Variants in KCNQ3 observed in about 807,000 individuals in gnomAD.
The protein encoded by KCNQ3 is potassium voltage-gated channel subfamily Q member 3.
In KCNQ3, 30 loss-of-function variants were observed where a neutral mutation model predicts 92.5. The observed-to-expected ratio is 0.32, with a 90% confidence interval of 0.24 to 0.44. KCNQ3 has a LOEUF of 0.44. Ranked by LOEUF, KCNQ3 falls within the 20% of genes least tolerant of loss-of-function variation. The pLI is 1.00. For missense variants in KCNQ3, 913 were observed against 1,140.3 expected (o/e 0.80, Z 2.87); for synonymous variants, 450 against 468.8 (o/e 0.96, Z 0.52).
chr8:132,198,731 C>T lies in KCNQ3; in HGVS notation c.387-12550G>A, dbSNP rs534623557. Among the ~76,000 whole-genome samples, 7 of 152,112 alleles carry T rather than the reference C, an allele frequency of 4.6e-5. No individual in the cohort carries two copies. In the East Asian group the frequency reaches 5.8e-4, roughly 13 times the overall value. ...CTGAGGCAGGAGAATAGCTTGAACCCGGGAGGTAGAGGTTGCAGTGAGCCG... is the reference window on the plus strand; with the variant it reads ...CTGAGGCAGGAGAATAGCTTGAACCTGGGAGGTAGAGGTTGCAGTGAGCCG... On this transcript the variant is annotated intron_variant, in intron 1 of 14. Transcript: ENST00000388996.
chr8:132,468,281 A>T (rs2721888), intron 1 of KCNQ3, among the ~76,000 whole-genome samples: 2 of 152,146 alleles, frequency 1.3e-5, no homozygotes, highest in Non-Finnish European at 2.9e-5. Flanking sequence ...TGAATAGTCC[A>T]ATTGGGCTAA....
At chr8:132,359,782 C>T (rs980291083) in intron 1 of KCNQ3, among the ~76,000 whole-genome samples, 3 of 152,150 alleles carry the variant, frequency 2.0e-5, no homozygotes, top group African/African-American at 7.2e-5. Context: ...TCCAGGCACA[C>T]CCAGGTCAAG....
chr8:132,480,445 CGGCTGGGTTA>C lies in KCNQ3; in HGVS notation c.78_87del (p.Asn27GlufsTer64). 7.1e-7 allele frequency: 1 copy of C among 1,399,574 alleles called. No homozygotes were observed. Among genetic ancestry groups the C allele is most frequent in the Non-Finnish European group, 9.3e-7 (1 of 1,077,510 alleles). The allele number at this position is 1,399,574 out of a possible 1,614,324, so 86.7% of individuals were successfully genotyped here. A position where few individuals can be genotyped will look rare whatever the true frequency, so the allele number is the denominator to read the frequency against. The stretch of plus-strand genomic sequence containing the variant: ...TCGCCGGCCGCCGCCGCGTCCCCTC[CGGCTGGGTTA>C]GCCGCCCCGCCGCCTCCGCCGCCCC... On this transcript the variant is annotated frameshift_variant, in exon 1 of 15. Transcript: ENST00000388996. LOFTEE classifies it high-confidence loss of function.
intron 8 of KCNQ3, among the ~76,000 whole-genome samples, chr8:132,165,369 G>T (rs1482732526): frequency 3.3e-5 from 5 of 152,216 alleles, no homozygotes; most frequent in South Asian, 4.1e-4. Flanking sequence ...CATAAGGGAT[G>T]ATCAATAAAT....
chr8:132,352,740 G>A (rs1418091979), intron 1 of KCNQ3, among the ~76,000 whole-genome samples: 3 of 152,200 alleles, frequency 2.0e-5, no homozygotes, highest in African/African-American at 7.2e-5. Flanking sequence ...AAAATACTCA[G>A]TGACTCATGT....
At chr8:132,320,626 T>A (rs888231377) in intron 1 of KCNQ3, among the ~76,000 whole-genome samples, 6 of 151,988 alleles carry the variant, frequency 3.9e-5, no homozygotes, top group Admixed American at 1.3e-4. Context: ...CCCACTCTAC[T>A]CAGAGGAGAA....
At chr8:132,144,895 C>T (rs1215707820) in intron 9 of KCNQ3, among the ~76,000 whole-genome samples, 1 of 152,226 alleles carries the variant, frequency 6.6e-6, no homozygotes, top group African/African-American at 2.4e-5. Context: ...CCCTAGTCCA[C>T]TTCAGGCTTT....
intron 14 of KCNQ3, 45 bp from the exon 15 acceptor site, chr8:132,130,041 G>A (rs745695328): frequency 2.5e-6 from 4 of 1,605,200 alleles, no homozygotes; most frequent in Non-Finnish European, 3.4e-6. Context: ...CTCTGAGGGT[G>A]GGGATCGTTG....
chr8:132,339,030 C>T (rs899024892), intron 1 of KCNQ3, among the ~76,000 whole-genome samples: 1 of 152,178 alleles, frequency 6.6e-6, no homozygotes, highest in Non-Finnish European at 1.5e-5. Flanking sequence ...AAAACTTCCT[C>T]TTCCCGCATT....
chr8:132,167,829 T>C (rs921546774), intron 8 of KCNQ3, among the ~76,000 whole-genome samples: 2 of 152,190 alleles, frequency 1.3e-5, no homozygotes, highest in African/African-American at 4.8e-5. Context: ...TGCCAACACC[T>C]TGGGATGCAT....
intron 1 of KCNQ3, among the ~76,000 whole-genome samples, chr8:132,217,935 C>T (rs1014704265): frequency 8.5e-5 from 13 of 152,086 alleles, no homozygotes; most frequent in African/African-American, 2.9e-4. Flanking sequence ...CCAGGCTCCT[C>T]GAAAAACAGT....
chr8:132,442,058 T>C (rs550391419), intron 1 of KCNQ3, among the ~76,000 whole-genome samples: 1 of 152,274 alleles, frequency 6.6e-6, no homozygotes, highest in South Asian at 2.1e-4. Flanking sequence ...GCGAACAGCA[T>C]ACACTGCGGT....
chr8:132,224,081 A>ATTTTTTTTTTTTTTTTTTTTTTTTTTT (rs1164773143), intron 1 of KCNQ3, among the ~76,000 whole-genome samples: 2 of 39,460 alleles, frequency 5.1e-5, no homozygotes, highest in Non-Finnish European at 1.0e-4. Context: ...ATGCCAGGCT[A>ATTTTTTTTTTTTTTTTTTTTTTTTTTT]TTTTTTTTTT....
chr8:132,410,976 C>A (rs1051588886), intron 1 of KCNQ3, among the ~76,000 whole-genome samples: 2 of 152,178 alleles, frequency 1.3e-5, no homozygotes, highest in African/African-American at 4.8e-5. Flanking sequence ...ATTTTCTGAC[C>A]GTTAAGTCTG....
intron 1 of KCNQ3, among the ~76,000 whole-genome samples, chr8:132,406,009 G>A (rs1001758860): frequency 6.6e-6 from 1 of 152,112 alleles, no homozygotes; most frequent in Admixed American, 6.6e-5. Flanking sequence ...CCAGGTGGGT[G>A]GCAGTGTGTG....
chr8:132,478,988 G>C (rs1219494432), intron 1 of KCNQ3, among the ~76,000 whole-genome samples: 2 of 151,688 alleles, frequency 1.3e-5, no homozygotes, highest in African/African-American at 4.8e-5. Flanking sequence ...GGGGAGGGGG[G>C]GTTGCCAAGG....
chr8:132,184,268 A>G lies in KCNQ3; in HGVS notation c.577T>C (p.Phe193Leu), dbSNP rs766121286. Reference protein sequence around the residue: ...RYKGWRGRLKFARKPLCMLDI... With the variant: ...RYKGWRGRLKLARKPLCMLDI... The stretch of plus-strand genomic sequence containing the variant: ...AACATGCACAGGGGCTTCCTGGCAA[A>G]CTTCAGTCGGCCCCGCCAGCCTTTG... The change falls in exon 3 of 15, where the codon TTT (phenylalanine) becomes CTT (leucine). Residue 193 changes from phenylalanine to leucine, a missense_variant. Physicochemically the swap from Phe to Leu is conservative, Grantham distance 22. Around this residue, in one of 6 missense-constraint regions of KCNQ3, gnomAD observed 100 missense variants for 217.6 expected, o/e 0.46. Transcript: ENST00000388996. 2 of 1,614,156 alleles carry G rather than the reference A, an allele frequency of 1.2e-6. No individual in the cohort carries two copies. Among genetic ancestry groups the G allele is most frequent in the Non-Finnish European group, 1.7e-6 (2 of 1,180,028 alleles).
intron 1 of KCNQ3, among the ~76,000 whole-genome samples, chr8:132,301,743 G>C (rs899607977): frequency 1.2e-4 from 18 of 152,098 alleles, no homozygotes; most frequent in African/African-American, 4.1e-4. Flanking sequence ...TACAGAAATG[G>C]GATCAGACTG....
chr8:132,281,403 T>C (rs1018046884), intron 1 of KCNQ3, among the ~76,000 whole-genome samples: 1 of 151,952 alleles, frequency 6.6e-6, no homozygotes, highest in African/African-American at 2.4e-5. Flanking sequence ...GAAAATTATA[T>C]AGACACAAAA....
Sources: allele counts gnomAD v4.1 joint callset (sites outside exome capture counted in the v4.1 genomes callset), GRCh38; gene constraint gnomAD v4.1.1; regional missense constraint gnomAD v4.1.1; transcripts MANE v1.5; gene names NCBI Gene and HGNC (gene_info 2026-07-23, HGNC 2026-07-21).